The following CMSS1 variants were observed in gnomAD, a reference collection of about 807,000 sequenced individuals.
The protein encoded by CMSS1 is protein CMSS1.
In CMSS1, 33 loss-of-function variants were observed where a neutral mutation model predicts 43.5. The ratio of observed to expected loss-of-function variants is 0.76; its 90% CI spans 0.57 to 1.01. CMSS1 has a LOEUF of 1.01. Ranked by LOEUF, CMSS1 falls within the 50% of genes least tolerant of loss-of-function variation. CMSS1 has a pLI of 0.00. For synonymous variants in CMSS1, 115 were observed against 117.2 expected, an observed-to-expected ratio of 0.98 and a Z score of 0.12; for missense variants, 313 against 326.4, an observed-to-expected ratio of 0.96 and a Z score of 0.32.
At chr3:99,920,355 C>G (rs562492050) in intron 1 of CMSS1, among the ~76,000 whole-genome samples, 1 of 152,142 alleles carries the variant, frequency 6.6e-6, no homozygotes, top group East Asian at 1.9e-4. Context: ...TGGCATTTCA[C>G]TTATGGGAAA....
At chr3:99,984,423 A>T (rs1253074366) in intron 1 of CMSS1, among the ~76,000 whole-genome samples, 2 of 152,236 alleles carry the variant, frequency 1.3e-5, no homozygotes, top group East Asian at 1.9e-4. Flanking sequence ...GTTAGTCTGC[A>T]TTAGCTCATG....
intron 1 of CMSS1, among the ~76,000 whole-genome samples, chr3:100,076,146 GCCCGGAAAA>G (rs2065847019): frequency 6.6e-6 from 1 of 152,116 alleles, no homozygotes; most frequent in Non-Finnish European, 1.5e-5. Context: ...TAGTTATCTT[GCCCGGAAAA>G]CCCTTAAAAA....
chr3:100,052,903 C>T (rs529761151), intron 1 of CMSS1, among the ~76,000 whole-genome samples: 2 of 152,008 alleles, frequency 1.3e-5, no homozygotes, highest in African/African-American at 4.8e-5. Context: ...TTTGTTTTTT[C>T]ACAGGAATTT....
intron 1 of CMSS1, among the ~76,000 whole-genome samples, chr3:99,855,673 T>C (rs906273084): frequency 2.0e-5 from 3 of 152,202 alleles, no homozygotes; most frequent in African/African-American, 2.4e-5. Flanking sequence ...ACTTAAAAAA[T>C]CTTACTTAAC....
intron 1 of CMSS1, chr3:100,051,338 TA>T (rs1465667681): frequency 6.6e-6 from 1 of 151,980 alleles, no homozygotes; most frequent in Non-Finnish European, 1.5e-5. Flanking sequence ...TTTAATAATA[TA>T]AACCAATGGC....
intron 1 of CMSS1, chr3:100,141,468 C>T (rs1286391220): frequency 2.3e-6 from 1 of 437,324 alleles, no homozygotes; most frequent in Non-Finnish European, 4.6e-6. Flanking sequence ...GTGAAGACGG[C>T]GGTCTTAACG....
At chr3:99,915,467 G>A (rs532361891) in intron 1 of CMSS1, among the ~76,000 whole-genome samples, 166 of 152,300 alleles carry the variant, frequency 1.1e-3, no homozygotes, top group African/African-American at 3.8e-3. Flanking sequence ...TGGCAAGCCA[G>A]AGAAGCATTG....
chr3:100,056,728 G>A (rs1468907253), intron 1 of CMSS1, among the ~76,000 whole-genome samples: 1 of 151,710 alleles, frequency 6.6e-6, no homozygotes, highest in African/African-American at 2.4e-5. Context: ...GGCCGGGCGC[G>A]GTGGCTCACG....
At chr3:99,944,525 A>G (rs1008970042) in intron 1 of CMSS1, among the ~76,000 whole-genome samples, 1 of 152,204 alleles carries the variant, frequency 6.6e-6, no homozygotes, top group African/African-American at 2.4e-5. Flanking sequence ...TGTGCACACT[A>G]AATCGTTAGG....
chr3:100,085,324 A>G (rs1306890142), intron 1 of CMSS1, among the ~76,000 whole-genome samples: 3 of 152,212 alleles, frequency 2.0e-5, no homozygotes, highest in African/African-American at 7.2e-5. Flanking sequence ...GATGTTTTAT[A>G]TCTTCCCTTC....
intron 1 of CMSS1, among the ~76,000 whole-genome samples, chr3:99,841,709 A>T (rs1171816123): frequency 6.6e-6 from 1 of 152,210 alleles, no homozygotes; most frequent in Admixed American, 6.5e-5. Flanking sequence ...AGATATACAA[A>T]TGGCAAACAC....
chr3:100,088,982 A>G (rs928917477), intron 1 of CMSS1, among the ~76,000 whole-genome samples: 1 of 152,200 alleles, frequency 6.6e-6, no homozygotes, highest in Non-Finnish European at 1.5e-5. Flanking sequence ...TGAATCAATC[A>G]TGGTTTACAC....
chr3:99,833,881 TG>T (rs1163211924), intron 1 of CMSS1, among the ~76,000 whole-genome samples: 1 of 152,256 alleles, frequency 6.6e-6, no homozygotes, highest in Non-Finnish European at 1.5e-5. Flanking sequence ...TTATCAGAAT[TG>T]ACAGTGTTTT....
At chr3:99,919,198 G>A (rs1707047846) in intron 1 of CMSS1, among the ~76,000 whole-genome samples, 1 of 151,832 alleles carries the variant, frequency 6.6e-6, no homozygotes, top group Non-Finnish European at 1.5e-5. Context: ...AGTTTAATGT[G>A]TTTATTGATT....
intron 1 of CMSS1, among the ~76,000 whole-genome samples, chr3:100,031,483 T>G (rs1003301233): frequency 6.6e-6 from 1 of 152,042 alleles, no homozygotes; most frequent in Non-Finnish European, 1.5e-5. Context: ...ATTCCTTTTT[T>G]CAAATATAAA....
At chr3:100,112,858 G>T (rs1447476051) in intron 1 of CMSS1, among the ~76,000 whole-genome samples, 1 of 152,204 alleles carries the variant, frequency 6.6e-6, no homozygotes, top group South Asian at 2.1e-4. Flanking sequence ...TTTCATAATA[G>T]TGTCAACTGA....
intron 1 of CMSS1, among the ~76,000 whole-genome samples, chr3:100,117,157 G>A (rs969966846): frequency 6.6e-6 from 1 of 152,082 alleles, no homozygotes. Flanking sequence ...TTGCCCTTGT[G>A]AACCTATAAT....
At chr3:99,994,639 G>GTGTA (rs1709622336) in intron 1 of CMSS1, among the ~76,000 whole-genome samples, 1 of 152,108 alleles carries the variant, frequency 6.6e-6, no homozygotes, top group Non-Finnish European at 1.5e-5. Flanking sequence ...CAATCACTGG[G>GTGTA]TGTATTAGTC....
At chr3:99,829,120 A>C (rs1315440276) in intron 1 of CMSS1, among the ~76,000 whole-genome samples, 2 of 152,082 alleles carry the variant, frequency 1.3e-5, no homozygotes, top group East Asian at 3.9e-4. Flanking sequence ...GCTGGCTCCA[A>C]CCCAGGGCAG....
Sources: gnomAD v4.1 joint callset for allele counts (sites outside exome capture counted in the v4.1 genomes callset) on GRCh38, gnomAD v4.1.1 for gene constraint, MANE v1.5 for transcripts, NCBI Gene and HGNC (gene_info 2026-07-23, HGNC 2026-07-21) for gene names.